Variants in ATRNL1 observed in about 807,000 individuals in gnomAD.
ATRNL1 encodes the protein attractin-like protein 1.
ATRNL1 carries 95 observed loss-of-function variants against 182.7 expected under a neutral mutation model. The observed-to-expected ratio is 0.52, with a 90% confidence interval of 0.44 to 0.62. ATRNL1 has a LOEUF of 0.62. Among genes scored for constraint, ATRNL1 ranks in the 20% least tolerant of loss-of-function variants. ATRNL1 has a pLI of 0.00. For missense variants in ATRNL1, 1,471 were observed against 1,679.5 expected (o/e 0.88, Z 2.17); for synonymous variants, 576 against 568.3 (o/e 1.01, Z -0.19).
intron 26 of ATRNL1, among the ~76,000 whole-genome samples, chr10:115,609,752 G>A (rs974825581): frequency 1.3e-5 from 2 of 152,114 alleles, no homozygotes; most frequent in Non-Finnish European, 2.9e-5. Context: ...GGTAATATGA[G>A]ACAGAAAGGA....
At chr10:115,110,427 G>A (rs1165015483) in intron 1 of ATRNL1, among the ~76,000 whole-genome samples, 3 of 152,160 alleles carry the variant, frequency 2.0e-5, no homozygotes, top group Non-Finnish European at 4.4e-5. Context: ...TGCTGAGAGC[G>A]AGCAACCCCT....
chr10:115,850,852 G>T (rs1555100297), intron 28 of ATRNL1, among the ~76,000 whole-genome samples: 2 of 152,090 alleles, frequency 1.3e-5, no homozygotes, highest in Non-Finnish European at 1.5e-5. Context: ...TATTTGTGCA[G>T]GGTGACAGGT....
chr10:115,813,187 A>G (rs1234467417), intron 27 of ATRNL1, among the ~76,000 whole-genome samples: 1 of 152,130 alleles, frequency 6.6e-6, no homozygotes, highest in East Asian at 1.9e-4. Context: ...TACATATGTA[A>G]CAAACCTGCA....
At chr10:115,875,742 T>C (rs1394485652) in intron 28 of ATRNL1, among the ~76,000 whole-genome samples, 4 of 152,192 alleles carry the variant, frequency 2.6e-5, no homozygotes, top group East Asian at 1.9e-4. Flanking sequence ...ATAGAGCTTA[T>C]AGTCTGGTGT....
intron 27 of ATRNL1, among the ~76,000 whole-genome samples, chr10:115,756,478 G>A (rs1948593272): frequency 6.6e-6 from 1 of 152,182 alleles, no homozygotes; most frequent in Non-Finnish European, 1.5e-5. Context: ...GCAGTTTTGA[G>A]TGAGTTTCTT....
At chr10:115,741,530 C>G (rs1030341710) in intron 27 of ATRNL1, among the ~76,000 whole-genome samples, 3 of 151,988 alleles carry the variant, frequency 2.0e-5, no homozygotes, top group Non-Finnish European at 2.9e-5. Flanking sequence ...AAACAAGATG[C>G]CGAGGATCAC....
chr10:115,508,127 T>A (rs1329936892), intron 24 of ATRNL1, among the ~76,000 whole-genome samples: 1 of 152,056 alleles, frequency 6.6e-6, no homozygotes, highest in African/African-American at 2.4e-5. Flanking sequence ...TTTTTATTTT[T>A]AAAATTATTA....
At chr10:115,878,887 A>C (rs1951758810) in intron 28 of ATRNL1, among the ~76,000 whole-genome samples, 2 of 152,154 alleles carry the variant, frequency 1.3e-5, no homozygotes, top group African/African-American at 4.8e-5. Context: ...TTGATTGGAG[A>C]ATTGAGAGAT....
At chr10:115,223,554 T>C (rs1322428281) in intron 9 of ATRNL1, among the ~76,000 whole-genome samples, 3 of 151,810 alleles carry the variant, frequency 2.0e-5, no homozygotes, top group Non-Finnish European at 2.9e-5. Context: ...ATTTTCTTGG[T>C]AACTGGTAGT....
intron 27 of ATRNL1, among the ~76,000 whole-genome samples, chr10:115,732,784 G>T (rs1449362083): frequency 1.3e-5 from 2 of 151,984 alleles, no homozygotes; most frequent in African/African-American, 2.4e-5. Flanking sequence ...AGACATCTTA[G>T]ACCTTAATAT....
intron 21 of ATRNL1, among the ~76,000 whole-genome samples, chr10:115,429,460 GAT>G (rs1242015465): frequency 6.6e-6 from 1 of 152,036 alleles, no homozygotes; most frequent in Non-Finnish European, 1.5e-5. Flanking sequence ...TATCAGGTAG[GAT>G]GTTTATTATA....
chr10:115,347,648 T>A (rs1271254661), intron 19 of ATRNL1, among the ~76,000 whole-genome samples: 2 of 152,072 alleles, frequency 1.3e-5, no homozygotes, highest in Admixed American at 1.3e-4. Flanking sequence ...TATATTATTT[T>A]AAAAATCCAA....
chr10:115,468,174 G>A (rs1554971278), intron 23 of ATRNL1, among the ~76,000 whole-genome samples: 1 of 150,588 alleles, frequency 6.6e-6, no homozygotes, highest in Admixed American at 6.6e-5. Flanking sequence ...GGCACTATGG[G>A]TTTCATTAAG....
intron 26 of ATRNL1, among the ~76,000 whole-genome samples, chr10:115,561,688 TGG>T (rs71010028): frequency 1.3e-3 from 150 of 116,112 alleles, no homozygotes; most frequent in East Asian, 3.0e-3. Context: ...TGTGTGTGTG[TGG>T]GTGTGTGTGT....
intron 8 of ATRNL1, among the ~76,000 whole-genome samples, chr10:115,180,337 C>T (rs1345747575): frequency 6.6e-6 from 1 of 151,860 alleles, no homozygotes; most frequent in African/African-American, 2.4e-5. Context: ...ATGCCATTTT[C>T]TCAGGCTTTC....
intron 28 of ATRNL1, among the ~76,000 whole-genome samples, chr10:115,897,830 T>C (rs1158302132): frequency 6.6e-6 from 1 of 152,260 alleles, no homozygotes; most frequent in East Asian, 1.9e-4. Flanking sequence ...GTTTCTTCTT[T>C]GTTTATCTAA....
rs1555026113 is a variant in ATRNL1 at position 115,630,845 on chromosome 10, C to CAG, written c.3795+81310_3795+81311insGA. Among the ~76,000 whole-genome samples, 625 of 140,416 alleles carry CAG rather than the reference C, an allele frequency of 4.5e-3. 5 individuals are homozygous for CAG. Among genetic ancestry groups the CAG allele is most frequent in the African/African-American group, 0.017 (598 of 34,964 alleles). 92.1% of individuals were successfully genotyped at this position (140,416 alleles called of 152,430 possible). ...TGTATTATACACACACACACACACA[C>CAG]ACACACACACACACACACACACACA... On this transcript the variant is annotated intron_variant, in intron 26 of 28. Transcript: ENST00000355044.
intron 26 of ATRNL1, among the ~76,000 whole-genome samples, chr10:115,656,644 A>G (rs1203102049): frequency 6.6e-6 from 1 of 152,208 alleles, no homozygotes; most frequent in African/African-American, 2.4e-5. Context: ...TGAATGAATA[A>G]AATGATTGTA....
intron 27 of ATRNL1, among the ~76,000 whole-genome samples, chr10:115,821,110 A>G (rs1950285481): frequency 6.6e-6 from 1 of 152,128 alleles, no homozygotes. Context: ...CTCCCTCACC[A>G]TGTAGAACTA....
Sources: gnomAD v4.1 joint callset for allele counts (sites outside exome capture counted in the v4.1 genomes callset) on GRCh38, gnomAD v4.1.1 for gene constraint, MANE v1.5 for transcripts, NCBI Gene and HGNC (gene_info 2026-07-23, HGNC 2026-07-21) for gene names.